The following ADAMTS18 variants were observed in gnomAD, a reference collection of about 807,000 sequenced individuals.
ADAMTS18 encodes ADAM metallopeptidase with thrombospondin type 1 motif 18.
ADAMTS18 carries 157 observed loss-of-function variants against 165.9 expected under a neutral mutation model. The ratio of observed to expected loss-of-function variants is 0.95; its 90% CI spans 0.83 to 1.08. The LOEUF (loss-of-function observed/expected upper bound fraction) is 1.08, where lower values mean the gene tolerates loss of function less well. ADAMTS18 is among the 50% of genes least tolerant of loss of function. The pLI is 0.00. For synonymous variants in ADAMTS18, 782 were observed against 578.2 expected, an observed-to-expected ratio of 1.35 and a Z score of -5.06; for missense variants, 2,040 against 1,534.0, an observed-to-expected ratio of 1.33 and a Z score of -5.51.
At chr16:77,382,149 T>C (rs1437667001) in intron 3 of ADAMTS18, among the ~76,000 whole-genome samples, 2 of 152,202 alleles carry the variant, frequency 1.3e-5, no homozygotes, top group African/African-American at 2.4e-5. Flanking sequence ...AAAGATACCA[T>C]ATCTTCCCAG....
At position 77,431,514 on chromosome 16, in the gene ADAMTS18, A is replaced by C; in HGVS notation, c.276T>G (p.Asn92Lys). The change falls in exon 3 of 23, where the codon AAT becomes AAG. Residue 92 changes from asparagine (N) to lysine (K), a missense_variant. By Grantham distance (94) the Asn-to-Lys change is moderately conservative. Transcript: ENST00000282849. The stretch of plus-strand genomic sequence containing the variant: ...ATCGGTAGTGCAGGGAGCTTCTGGC[A>C]TTCTGCGCCGATCGCTTTTTCCTGC... Reference protein sequence around the residue: ...HNGRKKRSAQNARSSLHYRFS... With the variant: ...HNGRKKRSAQKARSSLHYRFS... 1 of 1,614,208 alleles carries C rather than the reference A, an allele frequency of 6.2e-7. No homozygotes were observed. The highest frequency in any genetic ancestry group is 8.5e-7 in the Non-Finnish European group (1 of 1,180,036).
At chr16:77,396,990 G>T (rs987532569) in intron 3 of ADAMTS18, among the ~76,000 whole-genome samples, 3 of 151,866 alleles carry the variant, frequency 2.0e-5, no homozygotes, top group African/African-American at 4.8e-5. Flanking sequence ...TGTATTTTTA[G>T]TAGAGCTAAG....
intron 16 of ADAMTS18, 147 bp from the exon 17 acceptor site, chr16:77,300,551 T>G: frequency 1.1e-6 from 1 of 949,168 alleles, no homozygotes; most frequent in Non-Finnish European, 1.6e-6. Flanking sequence ...TGTTTTATGT[T>G]GACTTAAAGC....
At chr16:77,420,473 A>G (rs1259293740) in intron 3 of ADAMTS18, among the ~76,000 whole-genome samples, 2 of 152,174 alleles carry the variant, frequency 1.3e-5, no homozygotes, top group African/African-American at 2.4e-5. Context: ...GTGAGACCTG[A>G]GCATAAGCGT....
chr16:77,301,516 T>C (rs1002599006), intron 16 of ADAMTS18, among the ~76,000 whole-genome samples: 23 of 152,234 alleles, frequency 1.5e-4, no homozygotes, highest in Non-Finnish European at 3.1e-4. Flanking sequence ...TCCCACTCCA[T>C]GAATCTTGTG....
In ADAMTS18 at chr16:77,322,419, A is replaced by T; in HGVS notation, c.2080T>A (p.Phe694Ile). The T allele has an allele frequency of 6.2e-7, 1 of 1,614,140 alleles. No homozygotes were observed. Among genetic ancestry groups the T allele is most frequent in the Non-Finnish European group, 8.5e-7 (1 of 1,179,986 alleles). Residue 694 changes from phenylalanine to isoleucine, a missense_variant, in exon 14 of 23, where the codon TTT becomes ATT. Coordinates refer to ENST00000282849, the MANE Select transcript of ADAMTS18 (RefSeq NM_199355.4). ...LYCKAENFEFFFAMSGKVKDG... is the reference protein window; with the variant it reads ...LYCKAENFEFIFAMSGKVKDG... ...TTCACTTTGCCGGACATTGCAAAAA[A>T]AAATTCAAAGTTCTCAGCCTTGCAG...
At chr16:77,372,960 C>A (rs533117060) in intron 3 of ADAMTS18, among the ~76,000 whole-genome samples, 2 of 152,308 alleles carry the variant, frequency 1.3e-5, no homozygotes, top group East Asian at 1.9e-4. Flanking sequence ...CAACTCCCTG[C>A]AGAACCTGCC....
At chr16:77,411,677 A>ATTT (rs34453966) in intron 3 of ADAMTS18, among the ~76,000 whole-genome samples, 7,702 of 73,978 alleles carry the variant, frequency 0.1, 1,283 homozygotes, top group Non-Finnish European at 0.15. Flanking sequence ...AGTATCCAGA[A>ATTT]TTTTTTTTTT....
Position 77,293,814 on chromosome 16 carries a change from A to T in ADAMTS18, c.3007-556T>A, listed in dbSNP as rs534126192. Among the ~76,000 whole-genome samples the T allele has an allele frequency of 2.0e-5, 3 of 149,766 alleles. No homozygotes were observed. The South Asian group carries it at 6.5e-4, about 32-fold the overall frequency. ...ACAACAGGGTTCAAACTCCTCTGAG[A>T]ACCTAACGCTGCCACTGATTTGACA... On this transcript the variant is annotated intron_variant, in intron 19 of 22. Coordinates refer to ENST00000282849, the MANE Select transcript of ADAMTS18 (RefSeq NM_199355.4).
intron 7 of ADAMTS18, among the ~76,000 whole-genome samples, chr16:77,361,252 A>C (rs1464167093): frequency 6.6e-6 from 1 of 152,164 alleles, no homozygotes; most frequent in Non-Finnish European, 1.5e-5. Flanking sequence ...CTTCACAGAG[A>C]AAGTTTGCTG....
chr16:77,433,725 T>C (rs1350081235), intron 2 of ADAMTS18, among the ~76,000 whole-genome samples: 1 of 152,180 alleles, frequency 6.6e-6, no homozygotes, highest in Non-Finnish European at 1.5e-5. Context: ...CCTAGACACC[T>C]TGCGTCAGGA....
In ADAMTS18 at chr16:77,434,706, G is replaced by A. The variant is rs943796729; in HGVS notation, c.-11C>T. 2 of 1,438,294 alleles carry A rather than the reference G, an allele frequency of 1.4e-6. No individual in the cohort carries two copies. The highest frequency in any genetic ancestry group is 9.1e-7 in the Non-Finnish European group (1 of 1,098,092). 89.1% of individuals were successfully genotyped at this position (1,438,294 alleles called of 1,614,324 possible). A position where few individuals can be genotyped will look rare whatever the true frequency, so the allele number is the denominator to read the frequency against. On this transcript the variant is annotated 5_prime_UTR_variant, in exon 1 of 23. Transcript: ENST00000282849. ...GAGGGCGCACTCCATGGTCAGGTGC[G>A]GACGCGGCGGCTGCGGGTGGCCAGA...
intron 3 of ADAMTS18, among the ~76,000 whole-genome samples, chr16:77,376,809 CTTTT>C (rs549942617): frequency 0.23 from 24,179 of 103,452 alleles, 1,553 homozygotes; most frequent in East Asian, 0.48. Flanking sequence ...CTAAATCATT[CTTTT>C]TTTTTTTTTT....
intron 3 of ADAMTS18, among the ~76,000 whole-genome samples, chr16:77,420,541 C>T (rs1472835899): frequency 1.3e-5 from 2 of 152,190 alleles, no homozygotes; most frequent in African/African-American, 4.8e-5. Flanking sequence ...ATGTGCTAGT[C>T]ATACACACCG....
chr16:77,309,024 T>G (rs556388947), intron 16 of ADAMTS18, among the ~76,000 whole-genome samples: 1 of 152,248 alleles, frequency 6.6e-6, no homozygotes, highest in African/African-American at 2.4e-5. Flanking sequence ...TTAAATCTTC[T>G]GGATGACTAA....
rs2057565995 is a variant in ADAMTS18, at chr16:77,418,999, A to T, written c.495+12296T>A. Reference sequence around the variant, plus strand: ...CACCGTCTCTACTAAAAATACAAAAATTAGCTGGGCACGGTGGCAGGAGCC... The same window carrying T: ...CACCGTCTCTACTAAAAATACAAAATTTAGCTGGGCACGGTGGCAGGAGCC... On this transcript the variant is annotated intron_variant, in intron 3 of 22. Transcript: ENST00000282849. Among the ~76,000 whole-genome samples, 3 of 152,132 alleles carry T rather than the reference A, an allele frequency of 2.0e-5. No homozygotes were observed. In the South Asian group the frequency reaches 6.2e-4, roughly 32 times the overall value.
At chr16:77,413,236 T>C (rs915639790) in intron 3 of ADAMTS18, among the ~76,000 whole-genome samples, 1 of 152,098 alleles carries the variant, frequency 6.6e-6, no homozygotes, top group Non-Finnish European at 1.5e-5. Flanking sequence ...CAAGTATTCC[T>C]GAGAAAACCC....
chr16:77,390,729 C>A (rs752320144), intron 3 of ADAMTS18, among the ~76,000 whole-genome samples: 15 of 152,080 alleles, frequency 9.9e-5, no homozygotes, highest in Admixed American at 3.3e-4. Context: ...TCACCCAGCC[C>A]TGATGGCTTC....
At chr16:77,378,286 A>T (rs993011130) in intron 3 of ADAMTS18, among the ~76,000 whole-genome samples, 1 of 151,778 alleles carries the variant, frequency 6.6e-6, no homozygotes, top group African/African-American at 2.4e-5. Context: ...GATTGCACCA[A>T]TGCTGTCCAG....
Sources: allele counts gnomAD v4.1 joint callset (sites outside exome capture counted in the v4.1 genomes callset), GRCh38; gene constraint gnomAD v4.1.1; transcripts MANE v1.5; gene names NCBI Gene and HGNC (gene_info 2026-07-23, HGNC 2026-07-21).